The following SLC4A10 variants were observed in gnomAD, a reference collection of about 807,000 sequenced individuals.
SLC4A10 encodes the protein sodium-driven chloride bicarbonate exchanger.
Under a neutral mutation model 137.7 loss-of-function variants are expected in SLC4A10, and 42 were observed. The ratio of observed to expected loss-of-function variants is 0.30; its 90% CI spans 0.24 to 0.39. The LOEUF (loss-of-function observed/expected upper bound fraction) is 0.39. SLC4A10 is among the 10% of genes least tolerant of loss of function. The pLI, the probability that SLC4A10 is intolerant of heterozygous loss-of-function variation, is 1.00. For missense variants in SLC4A10, 925 were observed against 1,355.0 expected (o/e 0.68, Z 4.98); for synonymous variants, 474 against 464.1 (o/e 1.02, Z -0.27).
chr2:161,768,496 G>A (rs1025035335), intron 1 of SLC4A10, among the ~76,000 whole-genome samples: 1 of 151,992 alleles, frequency 6.6e-6, no homozygotes. Flanking sequence ...TTTCTCTAGT[G>A]GATCTGGCCT....
chr2:161,879,546 CTTT>C (rs71408189), intron 9 of SLC4A10, among the ~76,000 whole-genome samples: 2 of 125,016 alleles, frequency 1.6e-5, no homozygotes, highest in African/African-American at 3.0e-5. Context: ...CATATGAATC[CTTT>C]TTTTTTTTTT....
chr2:161,883,285 G>A (rs1023043369), intron 10 of SLC4A10, among the ~76,000 whole-genome samples: 2 of 152,036 alleles, frequency 1.3e-5, no homozygotes, highest in African/African-American at 4.8e-5. Flanking sequence ...TGAAATACAT[G>A]GCTGCAGATA....
At chr2:161,765,312 G>A (rs1574845702) in intron 1 of SLC4A10, among the ~76,000 whole-genome samples, 1 of 152,008 alleles carries the variant, frequency 6.6e-6, no homozygotes, top group Admixed American at 6.6e-5. Flanking sequence ...TCTTATAAAT[G>A]TTTATCCAAT....
chr2:161,703,222 A>C (rs936992291), intron 1 of SLC4A10, among the ~76,000 whole-genome samples: 3 of 151,758 alleles, frequency 2.0e-5, no homozygotes, highest in African/African-American at 7.2e-5. Context: ...GTGTGCACAA[A>C]GATGTTTATT....
intron 8 of SLC4A10, among the ~76,000 whole-genome samples, chr2:161,874,873 C>A (rs62188771): frequency 0.077 from 11,691 of 152,150 alleles, 472 homozygotes; most frequent in East Asian, 0.13. Flanking sequence ...ATTTAATGAG[C>A]TAATATAGAG....
At chr2:161,760,457 T>G (rs1222813278) in intron 1 of SLC4A10, among the ~76,000 whole-genome samples, 1 of 152,064 alleles carries the variant, frequency 6.6e-6, no homozygotes, top group African/African-American at 2.4e-5. Flanking sequence ...TGAGAGAAGT[T>G]TTCTTTCCAG....
chr2:161,856,322 G>A (rs1301197558), intron 5 of SLC4A10, among the ~76,000 whole-genome samples: 1 of 149,156 alleles, frequency 6.7e-6, no homozygotes, highest in Non-Finnish European at 1.5e-5. Context: ...AGATACTTTG[G>A]CTTGAAATAT....
chr2:161,942,246 G>C (rs1481176161), intron 15 of SLC4A10, among the ~76,000 whole-genome samples: 1 of 152,074 alleles, frequency 6.6e-6, no homozygotes, highest in African/African-American at 2.4e-5. Flanking sequence ...GCTTTATGAA[G>C]GGCAAATAGC....
At chr2:161,751,445 A>G (rs1000702043) in intron 1 of SLC4A10, among the ~76,000 whole-genome samples, 1 of 147,754 alleles carries the variant, frequency 6.8e-6, no homozygotes, top group Admixed American at 6.8e-5. Flanking sequence ...CTTTCATAGT[A>G]CTTACATGAA....
chr2:161,932,626 T>C (rs1458751323), intron 15 of SLC4A10, among the ~76,000 whole-genome samples: 1 of 152,158 alleles, frequency 6.6e-6, no homozygotes, highest in Non-Finnish European at 1.5e-5. Context: ...GAAACTCTTA[T>C]GTGGATGATG....
rs545563924 is a variant in SLC4A10 at position 161,676,695 on chromosome 2, T to C, written c.48+52129T>C. Among the ~76,000 whole-genome samples, 13 of 152,310 alleles carry C rather than the reference T, an allele frequency of 8.5e-5. No homozygotes were observed. In the East Asian group the frequency reaches 1.5e-3, roughly 18 times the overall value. On this transcript the variant is annotated intron_variant, in intron 1 of 26. Transcript: ENST00000446997. ...GCATTTAAGTTTTTATATATCTATA[T>C]GTTGAAAAGAATTGATATCAAAAAT...
chr2:161,906,148 A>G (rs1043205254), intron 15 of SLC4A10, among the ~76,000 whole-genome samples: 1 of 152,216 alleles, frequency 6.6e-6, no homozygotes, highest in Admixed American at 6.5e-5. Context: ...AAATAAGTAG[A>G]TAAGGAACCA....
At chr2:161,876,175 A>T (rs1027888177) in intron 8 of SLC4A10, among the ~76,000 whole-genome samples, 5 of 152,120 alleles carry the variant, frequency 3.3e-5, no homozygotes, top group African/African-American at 1.2e-4. Flanking sequence ...ACAGACCCAG[A>T]AGAGTATAGC....
intron 1 of SLC4A10, among the ~76,000 whole-genome samples, chr2:161,701,960 A>G (rs1233543142): frequency 2.0e-5 from 3 of 151,938 alleles, no homozygotes; most frequent in Non-Finnish European, 4.4e-5. Context: ...AAGTAGAAAT[A>G]CAAAGTAGTA....
chr2:161,927,585 A>G (rs1208149743), intron 15 of SLC4A10, among the ~76,000 whole-genome samples: 6 of 152,210 alleles, frequency 3.9e-5, no homozygotes, highest in Non-Finnish European at 5.9e-5. Flanking sequence ...TGAACAGGCA[A>G]CCTACAAAAT....
chr2:161,766,232 TAATC>T (rs2050780658), intron 1 of SLC4A10, among the ~76,000 whole-genome samples: 2 of 152,140 alleles, frequency 1.3e-5, no homozygotes, highest in Non-Finnish European at 2.9e-5. Flanking sequence ...AGGAATTAAA[TAATC>T]AACTATTTCT....
At position 161,708,663 on chromosome 2, in the gene SLC4A10, C is replaced by A. The variant is rs186541500; in HGVS notation, c.49-62310C>A. ...GATGGCTTAAACAGATACTGATGGA[C>A]AGATCTGTTGTTTGATATTTTTTTC... On this transcript the variant is annotated intron_variant, in intron 1 of 26. Transcript: ENST00000446997. 8.1e-6 allele frequency: 12 copies of A among 1,487,658 alleles called. No homozygotes were observed. The Admixed American group carries it at 2.1e-4, about 26-fold the overall frequency. The allele number at this position is 1,487,658 out of a possible 1,614,324, so 92.2% of individuals were successfully genotyped here. A position where few individuals can be genotyped will look rare whatever the true frequency, so the allele number is the denominator to read the frequency against.
At chr2:161,660,023 G>A (rs2038079898) in intron 1 of SLC4A10, among the ~76,000 whole-genome samples, 1 of 144,928 alleles carries the variant, frequency 6.9e-6, no homozygotes, top group African/African-American at 2.5e-5. Flanking sequence ...GAGGGGGAAG[G>A]AAAGTCACTG....
At chr2:161,839,112 G>A (rs905023546) in intron 3 of SLC4A10, among the ~76,000 whole-genome samples, 9 of 152,168 alleles carry the variant, frequency 5.9e-5, no homozygotes, top group Non-Finnish European at 1.3e-4. Flanking sequence ...TTCCTGCAAT[G>A]GACTGTTACT....
Sources: allele counts gnomAD v4.1 joint callset (sites outside exome capture counted in the v4.1 genomes callset), GRCh38; gene constraint gnomAD v4.1.1; transcripts MANE v1.5; gene names NCBI Gene and HGNC (gene_info 2026-07-23, HGNC 2026-07-21).